Variants in MTPN observed in about 807,000 individuals in gnomAD.
MTPN encodes the protein myotrophin.
In MTPN, 2 loss-of-function variants were observed where a neutral mutation model predicts 13.5. The observed-to-expected ratio is 0.15, with a 90% CI of 0.06 to 0.47. MTPN has a LOEUF of 0.47. Ranked by LOEUF, MTPN falls within the 20% of genes least tolerant of loss-of-function variation. MTPN has a pLI of 0.97. For synonymous variants in MTPN, 46 were observed against 51.7 expected, an observed-to-expected ratio of 0.89 and a Z score of 0.48; for missense variants, 79 against 137.9, an observed-to-expected ratio of 0.57 and a Z score of 2.14.
chr7:135,973,375 T>G (rs1175888110), intron 1 of MTPN, among the ~76,000 whole-genome samples: 4 of 151,572 alleles, frequency 2.6e-5, no homozygotes, highest in East Asian at 3.9e-4. Context: ...AAGGTAGTCT[T>G]GGTAACCCTC....
At chr7:135,935,614 G>A (rs981224273) in intron 3 of MTPN, among the ~76,000 whole-genome samples, 45 of 152,194 alleles carry the variant, frequency 3.0e-4, no homozygotes, top group African/African-American at 1.0e-3. Context: ...TGATCATACT[G>A]TTCATATACC....
intron 3 of MTPN, among the ~76,000 whole-genome samples, chr7:135,944,686 C>T (rs969191384): frequency 1.3e-5 from 2 of 151,934 alleles, no homozygotes; most frequent in African/African-American, 4.8e-5. Flanking sequence ...AATAAATGTG[C>T]CACATGATAG....
Position 135,972,820 on chromosome 7 carries a change from G to A in MTPN, c.72+4209C>T, listed in dbSNP as rs75742465. On this transcript the variant is annotated intron_variant, in intron 1 of 3. Transcript: ENST00000393085. ...ATTTTAAAAGGGCCAACTCCTCATCGGTATGGTGTTTTTCTGTTAGAGGTG... is the reference window on the plus strand; with the variant it reads ...ATTTTAAAAGGGCCAACTCCTCATCAGTATGGTGTTTTTCTGTTAGAGGTG... Among the ~76,000 whole-genome samples, 2,530 of 151,174 alleles carry A rather than the reference G, an allele frequency of 0.017. 91 individuals are homozygous for A. In the East Asian group the frequency reaches 0.18, roughly 11 times the overall value.
chr7:135,931,734 C>T (rs1368425587), intron 3 of MTPN, among the ~76,000 whole-genome samples: 2 of 152,174 alleles, frequency 1.3e-5, no homozygotes, highest in Non-Finnish European at 2.9e-5. Flanking sequence ...ACTTCTGTTG[C>T]TTTTTAGCTC....
At chr7:135,975,466 G>A (rs1287508064) in intron 1 of MTPN, among the ~76,000 whole-genome samples, 1 of 152,176 alleles carries the variant, frequency 6.6e-6, no homozygotes, top group African/African-American at 2.4e-5. Flanking sequence ...TCTGTAAAAT[G>A]GGACCAATAA....
intron 1 of MTPN, among the ~76,000 whole-genome samples, chr7:135,964,303 C>T (rs772236094): frequency 3.9e-5 from 6 of 152,040 alleles, no homozygotes; most frequent in Non-Finnish European, 5.9e-5. Context: ...TGTATGTTTT[C>T]TAACCCTTTT....
chr7:135,940,679 T>G (rs1799195062), intron 3 of MTPN, among the ~76,000 whole-genome samples: 1 of 152,166 alleles, frequency 6.6e-6, no homozygotes, highest in South Asian at 2.1e-4. Context: ...CTATACCACA[T>G]TTAGTTGAAA....
chr7:135,976,500 T>C (rs942238618), intron 1 of MTPN, among the ~76,000 whole-genome samples: 3 of 152,170 alleles, frequency 2.0e-5, no homozygotes, highest in African/African-American at 7.2e-5. Flanking sequence ...AGTGAAGTGA[T>C]ACTCAGTTTC....
intron 1 of MTPN, among the ~76,000 whole-genome samples, chr7:135,973,303 G>A (rs774657734): frequency 1.3e-5 from 2 of 149,000 alleles, no homozygotes; most frequent in African/African-American, 2.5e-5. Context: ...CTGGAAAGAA[G>A]CAGCAACTGA....
At chr7:135,958,663 A>AT (rs1799479584) in intron 1 of MTPN, among the ~76,000 whole-genome samples, 1 of 152,260 alleles carries the variant, frequency 6.6e-6, no homozygotes, top group Admixed American at 6.5e-5. Flanking sequence ...AGCAATTCTT[A>AT]TTTTTACATT....
At chr7:135,951,767 A>G (rs1799366725) in intron 1 of MTPN, 137 bp from the exon 2 acceptor site, 1 of 554,590 alleles carries the variant, frequency 1.8e-6, no homozygotes, top group Non-Finnish European at 3.1e-6. Context: ...AAAATAAAAT[A>G]ACCAAAAACT....
At chr7:135,969,602 T>C (rs896133077) in intron 1 of MTPN, among the ~76,000 whole-genome samples, 2 of 151,468 alleles carry the variant, frequency 1.3e-5, no homozygotes, top group Admixed American at 1.3e-4. Context: ...GAAGAAAAAA[T>C]GAAGTTCCAG....
intron 1 of MTPN, among the ~76,000 whole-genome samples, chr7:135,975,917 C>T (rs1444496520): frequency 6.6e-6 from 1 of 152,258 alleles, no homozygotes; most frequent in African/African-American, 2.4e-5. Context: ...TTTTAAGAAA[C>T]TGCTTCGCTT....
chr7:135,948,581 A>T (rs2116370754), intron 3 of MTPN, among the ~76,000 whole-genome samples: 1 of 152,292 alleles, frequency 6.6e-6, no homozygotes, highest in South Asian at 2.1e-4. Context: ...AAATCAAGCC[A>T]ACTTTTCAGG....
intron 3 of MTPN, among the ~76,000 whole-genome samples, chr7:135,933,117 A>AAAAAAAAAAAAC (rs1562928285): frequency 6.6e-6 from 1 of 151,092 alleles, no homozygotes; most frequent in Non-Finnish European, 1.5e-5. Context: ...AAAAAAAAAA[A>AAAAAAAAAAAAC]AAAAAGATGA....
chr7:135,952,257 C>G (rs1317965936), intron 1 of MTPN, among the ~76,000 whole-genome samples: 1 of 152,008 alleles, frequency 6.6e-6, no homozygotes, highest in Non-Finnish European at 1.5e-5. Flanking sequence ...AATACAAGTG[C>G]TACAAAAAAT....
intron 3 of MTPN, among the ~76,000 whole-genome samples, chr7:135,947,045 A>G (rs937144252): frequency 6.6e-6 from 1 of 152,206 alleles, no homozygotes; most frequent in Non-Finnish European, 1.5e-5. Context: ...TGAAAATACC[A>G]GAAGCTTTGA....
intron 1 of MTPN, among the ~76,000 whole-genome samples, chr7:135,954,005 T>C (rs1799403427): frequency 6.6e-6 from 1 of 151,204 alleles, no homozygotes; most frequent in African/African-American, 2.5e-5. Context: ...TATAAGGATG[T>C]ATAATGTGCC....
At chr7:135,935,969 A>G (rs1799109554) in intron 3 of MTPN, among the ~76,000 whole-genome samples, 1 of 151,870 alleles carries the variant, frequency 6.6e-6, no homozygotes, top group Non-Finnish European at 1.5e-5. Flanking sequence ...ATAACACACT[A>G]TCCCCTTAAC....
Sources: gnomAD v4.1 joint callset for allele counts (sites outside exome capture counted in the v4.1 genomes callset) on GRCh38, gnomAD v4.1.1 for gene constraint, MANE v1.5 for transcripts, NCBI Gene and HGNC (gene_info 2026-07-23, HGNC 2026-07-21) for gene names.